RC3H1: variants seen among roughly 807,000 people sequenced by gnomAD.
RC3H1 encodes roquin-1.
Under a neutral mutation model 138.2 loss-of-function variants are expected in RC3H1, and 50 were observed. The ratio of observed to expected loss-of-function variants is 0.36; its 90% CI spans 0.29 to 0.46. The LOEUF (loss-of-function observed/expected upper bound fraction) is 0.46. Among genes scored for constraint, RC3H1 ranks in the 20% least tolerant of loss-of-function variants. The probability of loss-of-function intolerance (pLI) is 1.00; values close to 1 mark genes in which losing one functional copy is unlikely to be tolerated. For missense variants in RC3H1, 1,031 were observed against 1,388.1 expected (o/e 0.74, Z 4.09); for synonymous variants, 462 against 489.1 (o/e 0.94, Z 0.73).
At chr1:173,946,454 A>C (rs756605348) in intron 17 of RC3H1, 22 bp downstream of exon 17, 1 of 1,594,358 alleles carries the variant, frequency 6.3e-7, no homozygotes, top group Admixed American at 1.9e-5. Context: ...AATTGGAATA[A>C]AATGGCTCTC....
Position 173,933,386 on chromosome 1 carries a change from AAGGTG to A in RC3H1, c.*5330_*5334del, listed in dbSNP as rs1658461233. On this transcript the variant is annotated 3_prime_UTR_variant, in exon 20 of 20. Transcript: ENST00000367696. ...CTATTAGGAATAGATTTATTATTAA[AAGGTG>A]TTACTTATTCCTGGTGGTGATAGTC... 6.6e-6 allele frequency: 1 copy of A among 152,104 alleles called. No individual in the cohort carries two copies. Among genetic ancestry groups the A allele is most frequent in the Admixed American group, 6.5e-5 (1 of 15,270 alleles). The allele number at this position is 152,104 out of a possible 1,614,324, so 9.4% of individuals were successfully genotyped here.
intron 13 of RC3H1, among the ~76,000 whole-genome samples, 164 bp from the exon 14 acceptor site, chr1:173,952,302 G>A (rs562586209): frequency 2.9e-5 from 4 of 140,200 alleles, no homozygotes; most frequent in Non-Finnish European, 6.0e-5. Flanking sequence ...CACAATAGAA[G>A]ATTTTTGTAA....
At chr1:173,956,667 T>TAAA (rs75866304) in intron 13 of RC3H1, among the ~76,000 whole-genome samples, 11 of 84,890 alleles carry the variant, frequency 1.3e-4, no homozygotes, top group East Asian at 3.6e-4. Context: ...CTCAAAAAAT[T>TAAA]AAAAAAAAAA....
At chr1:174,002,768 C>T (rs1011592997) in intron 1 of RC3H1, among the ~76,000 whole-genome samples, 1 of 152,138 alleles carries the variant, frequency 6.6e-6, no homozygotes, top group Non-Finnish European at 1.5e-5. Flanking sequence ...ACATACTGTC[C>T]AATGATTGGC....
rs760413381 is a variant in RC3H1 at position 173,947,432 on chromosome 1, C to T, written c.2674G>A (p.Gly892Ser). ...ISRTSKTIYQ[G>S]AGPMQAMAPQ... ...GCCATAGCCTGCATTGGACCAGCAC[C>T]CTGATATATAGTTTTGGAAGTTCGT... is the stretch of plus-strand genomic sequence containing the variant. Residue 892 changes from glycine to serine, a missense_variant, in exon 15 of 20, where the codon GGT (glycine) becomes AGT (serine). By Grantham distance (56) the Gly-to-Ser change is moderately conservative. This residue lies in a region of RC3H1 where 716 missense variants were observed against 837.9 expected (regional missense o/e 0.85). Coordinates refer to ENST00000367696, the MANE Select transcript of RC3H1 (RefSeq NM_172071.4). 9 of 1,613,864 alleles carry T rather than the reference C, an allele frequency of 5.6e-6. No individual in the cohort carries two copies. The African/African-American group carries it at 6.7e-5, about 12-fold the overall frequency.
At chr1:173,978,228 G>T (rs1660664799) in intron 7 of RC3H1, among the ~76,000 whole-genome samples, 1 of 152,012 alleles carries the variant, frequency 6.6e-6, no homozygotes, top group Admixed American at 6.6e-5. Context: ...ACGGGAGAAA[G>T]AAGAAACATA....
Position 173,964,169 on chromosome 1 carries a change from C to T in RC3H1, c.1635G>A (p.Lys545=), listed in dbSNP as rs1008914323. The change falls in exon 11 of 20, where the codon AAG becomes AAA. Residue 545 remains lysine, a synonymous_variant. Coordinates refer to ENST00000367696, the MANE Select transcript of RC3H1 (RefSeq NM_172071.4). ...GATTCACAGGTAAGGCAGAAATACT[C>T]TTAGGAACAGATTCTAGCCTAAGGG... ...SPPDLLESVP[K]SISALPVNPH... 2 of 1,613,112 alleles carry T rather than the reference C, an allele frequency of 1.2e-6. No homozygotes were observed. The highest frequency in any genetic ancestry group is 2.7e-5 in the African/African-American group (2 of 74,870).
At chr1:173,978,009 G>A (rs1258106945) in intron 7 of RC3H1, among the ~76,000 whole-genome samples, 1 of 152,180 alleles carries the variant, frequency 6.6e-6, no homozygotes, top group Non-Finnish European at 1.5e-5. Context: ...GTTGAAAAAT[G>A]AAGGTTGGGT....
intron 1 of RC3H1, among the ~76,000 whole-genome samples, chr1:174,004,377 T>C (rs999487400): frequency 3.9e-5 from 6 of 152,162 alleles, no homozygotes; most frequent in African/African-American, 7.2e-5. Context: ...GCCTCCAAAA[T>C]TGTTGAAGTT....
At position 173,938,546 on chromosome 1, in the gene RC3H1, G is replaced by T; in HGVS notation, c.*175C>A. ...TTAAATTAAAAAAATGCATTAATGT[G>T]AACTATGTGCAGGGTTTGTTTTTAG... On this transcript the variant is annotated 3_prime_UTR_variant, in exon 20 of 20. Coordinates refer to ENST00000367696, the MANE Select transcript of RC3H1 (RefSeq NM_172071.4). 2.2e-6 allele frequency: 1 copy of T among 446,918 alleles called. No homozygotes were observed. Among genetic ancestry groups the T allele is most frequent in the Admixed American group, 3.5e-5 (1 of 28,508 alleles). The allele number at this position is 446,918 out of a possible 1,614,324, so 27.7% of individuals were successfully genotyped here.
rs564782091 is a variant in RC3H1 at position 173,983,724 on chromosome 1, C to A, written c.353-67G>T. ...ATTTTACAGTCCAGGAGCAATTCTTCTGTTGGGTTAACTTGTGGGTATGTG... is the reference window on the plus strand; with the variant it reads ...ATTTTACAGTCCAGGAGCAATTCTTATGTTGGGTTAACTTGTGGGTATGTG... On this transcript the variant is annotated intron_variant, in intron 3 of 19. Coordinates refer to ENST00000367696, the MANE Select transcript of RC3H1 (RefSeq NM_172071.4). The A allele has an allele frequency of 3.2e-6, 5 of 1,552,926 alleles. No homozygotes were observed. In the Middle Eastern group the frequency reaches 6.9e-4, roughly 214 times the overall value.
intron 2 of RC3H1, among the ~76,000 whole-genome samples, chr1:173,989,348 AC>A (rs1661165715): frequency 6.6e-6 from 1 of 151,996 alleles, no homozygotes; most frequent in South Asian, 2.1e-4. Context: ...AGCATGTGCC[AC>A]CACACCCAGC....
intron 1 of RC3H1, among the ~76,000 whole-genome samples, chr1:174,014,063 G>A (rs1661815526): frequency 6.6e-6 from 1 of 152,190 alleles, no homozygotes; most frequent in African/African-American, 2.4e-5. Flanking sequence ...TCAGAGGGAT[G>A]AGGCAGAGAT....
intron 4 of RC3H1, among the ~76,000 whole-genome samples, chr1:173,983,195 A>G (rs1421630021): frequency 6.6e-6 from 1 of 152,232 alleles, no homozygotes; most frequent in Non-Finnish European, 1.5e-5. Flanking sequence ...AAAATTAAAA[A>G]AAGAAACAAC....
intron 2 of RC3H1, among the ~76,000 whole-genome samples, chr1:173,992,031 T>G (rs113218967): frequency 0.017 from 2,638 of 152,306 alleles, 73 homozygotes; most frequent in African/African-American, 0.058. Context: ...TTTCAGTTAA[T>G]GTCTACTGAG....
chr1:173,957,550 C>CT (rs1276242601), intron 13 of RC3H1, among the ~76,000 whole-genome samples: 2 of 151,956 alleles, frequency 1.3e-5, no homozygotes, highest in Non-Finnish European at 2.9e-5. Context: ...CACCTGTTTT[C>CT]TTCCCCCCCT....
chr1:173,947,551 C>G lies in RC3H1; in HGVS notation c.2555G>C (p.Arg852Pro). 1 of 1,613,962 alleles carries G rather than the reference C, an allele frequency of 6.2e-7. No homozygotes were observed. The highest frequency in any genetic ancestry group is 1.7e-5 in the Admixed American group (1 of 59,998). ...TGCTGCTCTTCTCTGAAGATCTAAT[C>G]GCTGGTCCCTCATTCCTTTACTCTC... ...NVESKGMRDQ[R>P]LDLQRRAAET... is the part of the protein sequence containing the mutation. Residue 852 changes from arginine to proline, a missense_variant, in exon 15 of 20, where the codon CGA becomes CCA. This residue lies in a region of RC3H1 where 716 missense variants were observed against 837.9 expected (regional missense o/e 0.85). Coordinates refer to ENST00000367696, the MANE Select transcript of RC3H1 (RefSeq NM_172071.4).
chr1:173,983,569 T>C lies in RC3H1; in HGVS notation c.441A>G (p.Glu147=), dbSNP rs1174098464. The C allele has an allele frequency of 6.2e-7, 1 of 1,614,098 alleles. No individual in the cohort carries two copies. The highest frequency in any genetic ancestry group is 8.5e-7 in the Non-Finnish European group (1 of 1,180,030). Residue 147 remains glutamate (E), a synonymous_variant, in exon 4 of 20, where the codon GAA becomes GAG. Transcript: ENST00000367696. ...LVTLVHCQLV[E]EEGRIRAMRA... is the part of the protein sequence containing the mutation. ...TCATGGCACGAATCCTGCCTTCTTC[T>C]TCTACTAGTTGACAGTGGACTAGAG...
At chr1:174,008,211 C>G (rs977868552) in intron 1 of RC3H1, among the ~76,000 whole-genome samples, 1 of 152,056 alleles carries the variant, frequency 6.6e-6, no homozygotes, top group African/African-American at 2.4e-5. Flanking sequence ...CATTAAAAAC[C>G]TAGTATATTT....
Sources: allele counts gnomAD v4.1 joint callset (sites outside exome capture counted in the v4.1 genomes callset), GRCh38; gene constraint gnomAD v4.1.1; regional missense constraint gnomAD v4.1.1; transcripts MANE v1.5; gene names NCBI Gene and HGNC (gene_info 2026-07-23, HGNC 2026-07-21).